GABRB1: variants seen among roughly 807,000 people sequenced by gnomAD.
GABRB1 encodes the protein gamma-aminobutyric acid receptor subunit beta-1.
A neutral mutation model predicts 51.6 loss-of-function variants in GABRB1; 17 were observed. The observed-to-expected ratio is 0.33, with a 90% CI of 0.23 to 0.49. GABRB1 has a LOEUF of 0.49. Among genes scored for constraint, GABRB1 ranks in the 20% least tolerant of loss-of-function variants. The pLI is 0.99. For missense variants in GABRB1, 410 were observed against 600.6 expected, an observed-to-expected ratio of 0.68 and a Z score of 3.32; for synonymous variants, 247 against 218.9, an observed-to-expected ratio of 1.13 and a Z score of -1.14.
intron 1 of GABRB1, among the ~76,000 whole-genome samples, chr4:47,006,923 G>A (rs2109434687): frequency 6.6e-6 from 1 of 152,324 alleles, no homozygotes; most frequent in Non-Finnish European, 1.5e-5. Flanking sequence ...GGGAGGCTGA[G>A]GCAGGTGGAT....
At chr4:47,042,119 T>C (rs1364659274) in intron 3 of GABRB1, among the ~76,000 whole-genome samples, 2 of 152,010 alleles carry the variant, frequency 1.3e-5, no homozygotes, top group Non-Finnish European at 2.9e-5. Context: ...TTCTCTATTA[T>C]CACTCCCAGC....
At chr4:47,050,144 G>C (rs1560511520) in intron 3 of GABRB1, among the ~76,000 whole-genome samples, 1 of 152,094 alleles carries the variant, frequency 6.6e-6, no homozygotes, top group Non-Finnish European at 1.5e-5. Flanking sequence ...GGCACACACA[G>C]GTCAGGTCAA....
At chr4:47,158,313 A>G (rs1334747718) in intron 3 of GABRB1, among the ~76,000 whole-genome samples, 1 of 152,144 alleles carries the variant, frequency 6.6e-6, no homozygotes, top group Non-Finnish European at 1.5e-5. Context: ...TTTATTGTGT[A>G]CAACATGGTG....
chr4:47,405,076 C>T (rs1242911448), intron 7 of GABRB1, among the ~76,000 whole-genome samples: 4 of 152,160 alleles, frequency 2.6e-5, no homozygotes, highest in African/African-American at 7.2e-5. Context: ...AGCAGAAATG[C>T]AATTGGTGAA....
intron 4 of GABRB1, among the ~76,000 whole-genome samples, chr4:47,317,050 T>C (rs1200795902): frequency 1.3e-5 from 2 of 151,950 alleles, no homozygotes; most frequent in African/African-American, 2.4e-5. Flanking sequence ...CTTATCAAAT[T>C]TGTAAACCAT....
intron 5 of GABRB1, among the ~76,000 whole-genome samples, chr4:47,358,363 G>A (rs1726664654): frequency 6.8e-6 from 1 of 148,010 alleles, no homozygotes; most frequent in African/African-American, 2.6e-5. Context: ...ATGTGTGTGT[G>A]TATATATATG....
intron 5 of GABRB1, among the ~76,000 whole-genome samples, chr4:47,320,955 G>C (rs12511115): frequency 0.28 from 42,703 of 151,902 alleles, 6,995 homozygotes; most frequent in Middle Eastern, 0.4. Context: ...ATTTTTAGTA[G>C]AGACGAGGTT....
intron 5 of GABRB1, among the ~76,000 whole-genome samples, chr4:47,352,749 AT>A (rs139462569): frequency 0.048 from 7,270 of 152,136 alleles, 252 homozygotes; most frequent in East Asian, 0.15. Flanking sequence ...CACTCACATT[AT>A]TTTGGTTTGC....
At chr4:46,997,070 T>G (rs1279157803) in intron 1 of GABRB1, among the ~76,000 whole-genome samples, 1 of 152,122 alleles carries the variant, frequency 6.6e-6, no homozygotes, top group Admixed American at 6.5e-5. Context: ...AAGAATTGAT[T>G]TAATAGTCTC....
intron 1 of GABRB1, among the ~76,000 whole-genome samples, chr4:46,996,774 T>C (rs1166226857): frequency 6.6e-6 from 1 of 152,174 alleles, no homozygotes; most frequent in East Asian, 1.9e-4. Flanking sequence ...CTATTGTCAA[T>C]TTATCATATG....
intron 3 of GABRB1, among the ~76,000 whole-genome samples, chr4:47,120,919 G>A (rs114177829): frequency 0.02 from 2,998 of 152,188 alleles, 99 homozygotes; most frequent in African/African-American, 0.068. Flanking sequence ...GGATCTATGA[G>A]CTGTGCTGCC....
upstream of GABRB1, among the ~76,000 whole-genome samples, chr4:47,027,809 A>G (rs1043543546): frequency 6.6e-6 from 1 of 151,708 alleles, no homozygotes; most frequent in Non-Finnish European, 1.5e-5. Context: ...ATCAAAATTC[A>G]TACTTTTCTA....
chr4:47,274,630 G>A (rs745824073), intron 4 of GABRB1, among the ~76,000 whole-genome samples: 3 of 152,146 alleles, frequency 2.0e-5, no homozygotes, highest in Non-Finnish European at 4.4e-5. Flanking sequence ...AATATTTAGA[G>A]AAGGTTGTTA....
chr4:47,294,803 C>T (rs894403622), intron 4 of GABRB1, among the ~76,000 whole-genome samples: 2 of 152,236 alleles, frequency 1.3e-5, no homozygotes, highest in African/African-American at 2.4e-5. Context: ...AGACTGCCTC[C>T]TCAAGTGGGT....
intron 5 of GABRB1, among the ~76,000 whole-genome samples, chr4:47,377,551 G>T (rs1727431910): frequency 6.6e-6 from 1 of 152,054 alleles, no homozygotes; most frequent in Non-Finnish European, 1.5e-5. Flanking sequence ...AAGAGCAAAA[G>T]AACAAAGCTT....
intron 4 of GABRB1, among the ~76,000 whole-genome samples, chr4:47,306,471 G>A (rs1249609985): frequency 2.6e-5 from 4 of 151,472 alleles, no homozygotes; most frequent in African/African-American, 4.9e-5. Flanking sequence ...AAAGAGGAAG[G>A]AAAGGAGGGA....
At chr4:47,004,135 C>T (rs1218022294) in intron 1 of GABRB1, among the ~76,000 whole-genome samples, 1 of 151,922 alleles carries the variant, frequency 6.6e-6, no homozygotes, top group East Asian at 1.9e-4. Flanking sequence ...ACTACAGGCG[C>T]GTCCCACCAA....
chr4:47,121,372 G>A (rs935644221), intron 3 of GABRB1, among the ~76,000 whole-genome samples: 3 of 152,160 alleles, frequency 2.0e-5, no homozygotes, highest in East Asian at 3.9e-4. Context: ...AATCAAGACT[G>A]TCTTTACTAC....
At chr4:47,022,685 C>A (rs1333995424) in intron 1 of GABRB1, among the ~76,000 whole-genome samples, 1 of 152,024 alleles carries the variant, frequency 6.6e-6, no homozygotes, top group Non-Finnish European at 1.5e-5. Flanking sequence ...AAAGAGAACA[C>A]TTGTACACTG....
Sources: gnomAD v4.1 joint callset for allele counts (sites outside exome capture counted in the v4.1 genomes callset) on GRCh38, gnomAD v4.1.1 for gene constraint, MANE v1.5 for transcripts, NCBI Gene and HGNC (gene_info 2026-07-23, HGNC 2026-07-21) for gene names.